ITGA8: variants seen among roughly 807,000 people sequenced by gnomAD.
ITGA8 encodes integrin subunit alpha 8.
A neutral mutation model predicts 142.3 loss-of-function variants in ITGA8; 91 were observed. The ratio of observed to expected loss-of-function variants is 0.64; its 90% confidence interval spans 0.54 to 0.76. The LOEUF (loss-of-function observed/expected upper bound fraction) is 0.76, where lower values mean the gene tolerates loss of function less well. Ranked by LOEUF, ITGA8 falls within the 30% of genes least tolerant of loss-of-function variation. The pLI, the probability that ITGA8 is intolerant of heterozygous loss-of-function variation, is 0.00. For missense variants in ITGA8, 1,406 were observed against 1,327.7 expected (o/e 1.06, Z -0.92); for synonymous variants, 505 against 485.2 (o/e 1.04, Z -0.54).
intron 26 of ITGA8, among the ~76,000 whole-genome samples, chr10:15,554,747 CTTTT>C (rs779236255): frequency 9.1e-6 from 1 of 109,570 alleles, no homozygotes; most frequent in East Asian, 2.8e-4. Context: ...TTCTTTCTTT[CTTTT>C]TTTTTTAATG....
rs77268995 is a variant in ITGA8 at position 15,699,603 on chromosome 10, A to G, written c.344-11565T>C. 4.7e-3 allele frequency among the ~76,000 whole-genome samples: 714 copies of G among 152,196 alleles called. 4 individuals carry two copies. Among genetic ancestry groups the G allele is most frequent in the African/African-American group, 0.016 (682 of 41,540 alleles). On this transcript the variant is annotated intron_variant, in intron 2 of 29. Transcript: ENST00000378076. ...TATGAACATTTGTGGGTTTTTTTCC[A>G]GTTTTCCCACTTCTACTCTGAGCTC... is the stretch of plus-strand genomic sequence containing the variant.
At chr10:15,606,567 G>A in intron 17 of ITGA8, 145 bp from the exon 18 acceptor site, 1 of 708,682 alleles carries the variant, frequency 1.4e-6, no homozygotes, top group Non-Finnish European at 2.3e-6. Context: ...GATGGAGGCT[G>A]ATTTATGTGG....
intron 2 of ITGA8, among the ~76,000 whole-genome samples, chr10:15,703,713 G>A (rs1440094815): frequency 6.6e-6 from 1 of 152,124 alleles, no homozygotes; most frequent in Non-Finnish European, 1.5e-5. Flanking sequence ...ATAGAGGCTG[G>A]AACAGTTTTT....
chr10:15,658,962 G>T (rs747734875), intron 10 of ITGA8, 37 bp downstream of exon 10: 14 of 1,313,404 alleles, frequency 1.1e-5, no homozygotes, highest in Non-Finnish European at 1.4e-5. Context: ...TGGTAACCCA[G>T]AGTGATTTTA....
chr10:15,570,083 G>A (rs1834150296), intron 25 of ITGA8, among the ~76,000 whole-genome samples: 2 of 152,208 alleles, frequency 1.3e-5, no homozygotes, highest in African/African-American at 4.8e-5. Flanking sequence ...ATAGGTGACA[G>A]TACTTTGAGA....
At position 15,683,991 on chromosome 10, in the gene ITGA8, A is replaced by C. The variant is rs1023695735; in HGVS notation, c.568+13T>G. 1 of 1,613,912 alleles carries C rather than the reference A, an allele frequency of 6.2e-7. No homozygotes were observed. Among genetic ancestry groups the C allele is most frequent in the Admixed American group, 1.7e-5 (1 of 59,960 alleles). On this transcript the variant is annotated intron_variant, in intron 4 of 29. Transcript: ENST00000378076. ...TGAGCTAATGTCAGTTTCAAGGAAT[A>C]AAAGTTGCTTACTGTTCCGGCAAGG...
At chr10:15,618,601 G>A (rs1406154716) in intron 13 of ITGA8, among the ~76,000 whole-genome samples, 2 of 152,128 alleles carry the variant, frequency 1.3e-5, no homozygotes, top group African/African-American at 4.8e-5. Flanking sequence ...GGGAAAGGCC[G>A]ACCCACCCTG....
At chr10:15,560,425 A>T (rs572823849) in intron 25 of ITGA8, among the ~76,000 whole-genome samples, 1 of 152,354 alleles carries the variant, frequency 6.6e-6, no homozygotes, top group Non-Finnish European at 1.5e-5. Flanking sequence ...ATGAAATTAA[A>T]TCCTTCTGTT....
intron 25 of ITGA8, among the ~76,000 whole-genome samples, chr10:15,561,857 T>A (rs991822929): frequency 6.6e-6 from 1 of 152,190 alleles, no homozygotes; most frequent in Non-Finnish European, 1.5e-5. Context: ...AGAGGTTTAA[T>A]TGACTCACAG....
intron 1 of ITGA8, 38 bp from the exon 2 acceptor site, chr10:15,718,937 A>T: frequency 6.2e-7 from 1 of 1,613,346 alleles, no homozygotes; most frequent in Non-Finnish European, 8.5e-7. Flanking sequence ...TTTGGGCGCC[A>T]CAAAACCGTG....
At chr10:15,635,668 A>C (rs1833760832) in intron 13 of ITGA8, among the ~76,000 whole-genome samples, 1 of 152,138 alleles carries the variant, frequency 6.6e-6, no homozygotes. Flanking sequence ...TTAATATTCT[A>C]ATTTCTAATG....
chr10:15,628,617 C>A (rs1014208975), intron 13 of ITGA8, among the ~76,000 whole-genome samples: 1 of 151,770 alleles, frequency 6.6e-6, no homozygotes, highest in Non-Finnish European at 1.5e-5. Flanking sequence ...CAGGTGTGAG[C>A]CACCGCGCCC....
chr10:15,544,367 AG>A (rs1243125712), intron 27 of ITGA8, among the ~76,000 whole-genome samples: 10 of 152,182 alleles, frequency 6.6e-5, no homozygotes, highest in African/African-American at 2.4e-4. Flanking sequence ...AATAACTTGA[AG>A]GGAGGCAGGG....
At chr10:15,604,578 C>CAAAAAAAAA (rs35672275) in intron 19 of ITGA8, among the ~76,000 whole-genome samples, 1 of 86,364 alleles carries the variant, frequency 1.2e-5, no homozygotes, top group Non-Finnish European at 2.3e-5. Context: ...AACCAGTTCT[C>CAAAAAAAAA]AAAAAAAAAA....
rs561911227 is a variant in ITGA8 at position 15,517,199 on chromosome 10, C to A, written c.3151G>T (p.Asp1051Tyr). 1.2e-6 allele frequency: 2 copies of A among 1,613,288 alleles called. No individual in the cohort carries two copies. The highest frequency in any genetic ancestry group is 1.7e-6 in the Non-Finnish European group (2 of 1,179,626). ...RARPPQEDMT[D>Y]REQLTNDKTP... ...TTGTCATTTGTCAGCTGTTCCCTGT[C>A]GGTCATGTCCTCCTGAGGAGGTCTG... The change falls in exon 30 of 30, where the codon GAC becomes TAC. Residue 1051 changes from aspartate (D) to tyrosine (Y), a missense_variant. Transcript: ENST00000378076.
chr10:15,668,114 G>T (rs1386555162), intron 8 of ITGA8, among the ~76,000 whole-genome samples: 149 of 152,112 alleles, frequency 9.8e-4, no homozygotes, highest in African/African-American at 3.2e-3. Context: ...ATGTTGACAG[G>T]GGGGTGTTAA....
chr10:15,553,743 G>T (rs1376373861), intron 26 of ITGA8, among the ~76,000 whole-genome samples: 1 of 152,170 alleles, frequency 6.6e-6, no homozygotes. Context: ...GCTCACACCT[G>T]TAATCCCAGC....
At chr10:15,691,277 T>G (rs1049641560) in intron 2 of ITGA8, among the ~76,000 whole-genome samples, 2 of 152,136 alleles carry the variant, frequency 1.3e-5, no homozygotes, top group African/African-American at 2.4e-5. Context: ...TGAAAAACAT[T>G]AAAGGAAGTT....
chr10:15,525,267 A>G (rs960796811), intron 28 of ITGA8, among the ~76,000 whole-genome samples: 13 of 152,136 alleles, frequency 8.5e-5, no homozygotes, highest in Non-Finnish European at 1.3e-4. Context: ...TCAAGACATA[A>G]CCTTGCCCTT....
Sources: allele counts gnomAD v4.1 joint callset (sites outside exome capture counted in the v4.1 genomes callset), GRCh38; gene constraint gnomAD v4.1.1; transcripts MANE v1.5; gene names NCBI Gene and HGNC (gene_info 2026-07-23, HGNC 2026-07-21).